Variants in CASP8 observed in about 807,000 individuals in gnomAD.
CASP8 encodes the protein caspase-8.
CASP8 carries 24 observed loss-of-function variants against 46.3 expected under a neutral mutation model. The ratio of observed to expected loss-of-function variants is 0.52; its 90% CI spans 0.38 to 0.73. The LOEUF is 0.73. CASP8 is among the 30% of genes least tolerant of loss of function. The pLI is 0.00. For missense variants in CASP8, 460 were observed against 559.0 expected, an observed-to-expected ratio of 0.82 and a Z score of 1.79; for synonymous variants, 188 against 200.4, an observed-to-expected ratio of 0.94 and a Z score of 0.52.
chr2:201,248,350 C>T (rs1391682324), intron 2 of CASP8, among the ~76,000 whole-genome samples: 5 of 152,000 alleles, frequency 3.3e-5, no homozygotes, highest in Admixed American at 2.0e-4. Context: ...CCTTGTGTAC[C>T]GAGTGAATGT....
chr2:201,283,690 A>C (rs1167596616), intron 7 of CASP8, among the ~76,000 whole-genome samples: 3 of 45,552 alleles, frequency 6.6e-5, no homozygotes, highest in Admixed American at 2.2e-4. Flanking sequence ...ATGGCCGACC[A>C]CCCCCCCCCG....
intron 2 of CASP8, chr2:201,241,669 G>C (rs563970435): frequency 6.6e-6 from 1 of 152,302 alleles, no homozygotes; most frequent in South Asian, 2.1e-4. Context: ...TTTAAAAATT[G>C]AAGAAGAGGG....
At chr2:201,271,717 C>T (rs1948259032) in intron 3 of CASP8, 96 bp downstream of exon 3, 2 of 769,560 alleles carry the variant, frequency 2.6e-6, no homozygotes, top group Admixed American at 3.7e-5. Context: ...GTAAAAGCAA[C>T]CTGGATTCTC....
chr2:201,262,776 G>A (rs1947516083), intron 1 of CASP8, among the ~76,000 whole-genome samples: 1 of 152,116 alleles, frequency 6.6e-6, no homozygotes, highest in Admixed American at 6.5e-5. Flanking sequence ...CATAAAACAA[G>A]AACTGCCACA....
intron 1 of CASP8, among the ~76,000 whole-genome samples, chr2:201,265,921 A>G (rs1007980396): frequency 7.3e-5 from 11 of 151,094 alleles, no homozygotes; most frequent in Non-Finnish European, 1.3e-4. Flanking sequence ...CTTCCTCTAC[A>G]TCCCTACCAC....
intron 2 of CASP8, among the ~76,000 whole-genome samples, chr2:201,252,301 G>A (rs967498926): frequency 6.6e-6 from 1 of 151,920 alleles, no homozygotes; most frequent in Non-Finnish European, 1.5e-5. Flanking sequence ...TTTTGAGACA[G>A]AGTCTCGCTC....
At chr2:201,239,405 C>T (rs920454645) in intron 2 of CASP8, among the ~76,000 whole-genome samples, 1 of 152,158 alleles carries the variant, frequency 6.6e-6, no homozygotes, top group Admixed American at 6.5e-5. Context: ...GGCTGACCCC[C>T]CACCTCCCTC....
intron 2 of CASP8, chr2:201,240,867 G>A (rs769037879): frequency 2.6e-5 from 4 of 152,032 alleles, no homozygotes; most frequent in Non-Finnish European, 5.9e-5. Flanking sequence ...AAAATCAATG[G>A]CAGAAGGAAA....
upstream of CASP8, among the ~76,000 whole-genome samples, chr2:201,256,320 T>C (rs892530503): frequency 6.6e-6 from 1 of 152,234 alleles, no homozygotes; most frequent in African/African-American, 2.4e-5. Context: ...GCCAAGTCTT[T>C]CAGCCTCTCT....
At chr2:201,278,538 TTC>T (rs1160783417) in intron 7 of CASP8, among the ~76,000 whole-genome samples, 4 of 152,086 alleles carry the variant, frequency 2.6e-5, no homozygotes, top group Non-Finnish European at 4.4e-5. Context: ...ACTGTATTTT[TTC>T]TTTTTTTTTT....
In CASP8 at chr2:201,277,498, T is replaced by C. The variant is rs147713776; in HGVS notation, c.802+530T>C. Among the ~76,000 whole-genome samples, 524 of 152,286 alleles carry C rather than the reference T, an allele frequency of 3.4e-3. 6 individuals carry two copies. Among genetic ancestry groups the C allele is most frequent in the Non-Finnish European group, 4.9e-3 (333 of 68,016 alleles). On this transcript the variant is annotated intron_variant, in intron 7 of 8. Coordinates refer to ENST00000673742, the MANE Select transcript of CASP8 (RefSeq NM_001372051.1). ...AAAAACAATTTGTAGTATGTGAATA[T>C]AAAAAGTGACTACAACAACAAAAAA...
chr2:201,256,619 C>T (rs1367352118), upstream of CASP8, among the ~76,000 whole-genome samples: 1 of 152,164 alleles, frequency 6.6e-6, no homozygotes, highest in Non-Finnish European at 1.5e-5. Flanking sequence ...GTTAGTATGT[C>T]ATAGAAAAAT....
At chr2:201,244,919 C>G (rs913685984) in intron 2 of CASP8, among the ~76,000 whole-genome samples, 1 of 152,160 alleles carries the variant, frequency 6.6e-6, no homozygotes, top group African/African-American at 2.4e-5. Context: ...TGATGACTGC[C>G]CCTTTGAGGA....
intron 2 of CASP8, among the ~76,000 whole-genome samples, chr2:201,248,289 G>A (rs1239796782): frequency 6.6e-6 from 1 of 152,136 alleles, no homozygotes; most frequent in African/African-American, 2.4e-5. Flanking sequence ...GTCCTTGAGT[G>A]TAGCTGGTTG....
upstream of CASP8, among the ~76,000 whole-genome samples, chr2:201,257,481 CA>C (rs375598463): frequency 1.2e-3 from 148 of 122,220 alleles, no homozygotes; most frequent in East Asian, 1.9e-3. Flanking sequence ...GACTCCGTCT[CA>C]AAAAAAAAAA....
At chr2:201,249,583 G>A (rs1222445184) in intron 2 of CASP8, among the ~76,000 whole-genome samples, 2 of 152,186 alleles carry the variant, frequency 1.3e-5, no homozygotes, top group Non-Finnish European at 2.9e-5. Context: ...TCTTATTGTT[G>A]AGTCTTAACA....
At chr2:201,286,420 C>T (rs1389646247) in intron 8 of CASP8, 39 bp from the exon 9 acceptor site, 1 of 1,605,228 alleles carries the variant, frequency 6.2e-7, no homozygotes. Context: ...CAGTTGCTTT[C>T]CCCCACAGAC....
intron 2 of CASP8, among the ~76,000 whole-genome samples, chr2:201,237,961 A>T (rs182231000): frequency 1.3e-5 from 2 of 152,360 alleles, no homozygotes; most frequent in East Asian, 3.9e-4. Context: ...CTTAGAGAAC[A>T]ACCTCTTGGC....
At chr2:201,284,504 T>C in intron 7 of CASP8, among the ~76,000 whole-genome samples, 1 of 50,420 alleles carries the variant, frequency 2.0e-5, no homozygotes, top group African/African-American at 7.5e-5. Flanking sequence ...CGAAACCCCA[T>C]CTCCACCAAA....
Sources: gnomAD v4.1 joint callset for allele counts (sites outside exome capture counted in the v4.1 genomes callset) on GRCh38, gnomAD v4.1.1 for gene constraint, MANE v1.5 for transcripts, NCBI Gene and HGNC (gene_info 2026-07-23, HGNC 2026-07-21) for gene names.